ZFYVE16: variants seen among roughly 807,000 people sequenced by gnomAD.
ZFYVE16 encodes the protein zinc finger FYVE domain-containing protein 16.
Under a neutral mutation model 138.1 loss-of-function variants are expected in ZFYVE16, and 89 were observed. The ratio of observed to expected loss-of-function variants is 0.64; its 90% CI spans 0.54 to 0.77. The LOEUF (loss-of-function observed/expected upper bound fraction) is 0.77. Ranked by LOEUF, ZFYVE16 falls within the 30% of genes least tolerant of loss-of-function variation. The pLI is 0.00. For synonymous variants in ZFYVE16, 596 were observed against 618.3 expected (o/e 0.96, Z 0.53); for missense variants, 1,793 against 1,786.7 (o/e 1.00, Z -0.06).
intron 1 of ZFYVE16, among the ~76,000 whole-genome samples, chr5:80,421,593 T>A (rs1747187919): frequency 6.6e-6 from 1 of 152,214 alleles, no homozygotes; most frequent in Admixed American, 6.5e-5. Context: ...TTGTCAAAGA[T>A]CAGATGGTTG....
intron 16 of ZFYVE16, 95 bp downstream of exon 16, chr5:80,473,018 A>G (rs1561338464): frequency 2.7e-6 from 3 of 1,127,764 alleles, no homozygotes; most frequent in East Asian, 2.7e-5. Context: ...ATGAACGAAT[A>G]TATACTTATA....
chr5:80,424,307 G>T (rs181025105), intron 1 of ZFYVE16, among the ~76,000 whole-genome samples: 1 of 152,050 alleles, frequency 6.6e-6, no homozygotes, highest in Admixed American at 6.6e-5. Context: ...AGATTTCTGC[G>T]ATCAGGTTCC....
chr5:80,440,159 G>T, intron 5 of ZFYVE16, 127 bp downstream of exon 5: 1 of 1,319,386 alleles, frequency 7.6e-7, no homozygotes, highest in South Asian at 2.2e-5. Context: ...TCTGGCTTAG[G>T]TGGGACATCC....
chr5:80,443,176 C>G lies in ZFYVE16; in HGVS notation c.2473C>G (p.His825Asp). 6.2e-7 allele frequency: 1 copy of G among 1,602,182 alleles called. No individual in the cohort carries two copies. Among genetic ancestry groups the G allele is most frequent in the Admixed American group, 1.8e-5 (1 of 55,908 alleles). ...AACTGGTTCTAATCTTAAGTCTAATCATTCTGATGAATGTACTACTGTCCA... is the reference window on the plus strand; with the variant it reads ...AACTGGTTCTAATCTTAAGTCTAATGATTCTGATGAATGTACTACTGTCCA... ...SPTGSNLKSN[H>D]SDECTTVQPP... is the part of the protein sequence containing the mutation. The change falls in exon 6 of 19, where the codon CAT becomes GAT. Residue 825 changes from histidine (H) to aspartate (D), a missense_variant. Physicochemically the swap from His to Asp is moderately conservative, Grantham distance 81. This residue lies in a region of ZFYVE16 where 1,295 missense variants were observed against 1,204.3 expected (regional missense o/e 1.08). Coordinates refer to ENST00000505560, the MANE Select transcript of ZFYVE16 (RefSeq NM_001284236.3).
intron 11 of ZFYVE16, chr5:80,454,388 T>G (rs1311117714): frequency 1.3e-5 from 2 of 152,170 alleles, no homozygotes; most frequent in Non-Finnish European, 2.9e-5. Context: ...ACCAGTAAGG[T>G]CTCTTTTCCT....
chr5:80,450,532 A>G lies in ZFYVE16; in HGVS notation c.3328A>G (p.Ile1110Val), dbSNP rs762178907. 3.7e-6 allele frequency: 6 copies of G among 1,613,384 alleles called. No homozygotes were observed. In the Admixed American group the frequency reaches 5.0e-5, roughly 13 times the overall value. The change falls in exon 10 of 19, where the codon ATT becomes GTT. Residue 1110 changes from isoleucine (I) to valine (V), a missense_variant. This residue lies in a region of ZFYVE16 where 498 missense variants were observed against 582.4 expected (regional missense o/e 0.86). Transcript: ENST00000505560. Reference sequence around the variant, plus strand: ...GTTATGTTTGCCAAATGAAGATACTATTCCTAAGGACATCTTCAGACTATT... The same window carrying G: ...GTTATGTTTGCCAAATGAAGATACTGTTCCTAAGGACATCTTCAGACTATT... ...LLLCLPNEDT[I>V]PKDIFRLFIT...
intron 15 of ZFYVE16, among the ~76,000 whole-genome samples, chr5:80,463,641 G>T (rs544628986): frequency 1.2e-4 from 19 of 152,218 alleles, no homozygotes; most frequent in African/African-American, 4.3e-4. Flanking sequence ...TCAGAAAATG[G>T]GTTTTTCTTT....
chr5:80,450,145 A>G (rs543998252), intron 9 of ZFYVE16, among the ~76,000 whole-genome samples: 1 of 152,314 alleles, frequency 6.6e-6, no homozygotes, highest in Non-Finnish European at 1.5e-5. Context: ...TCACTACTCC[A>G]TAATGTATCT....
Position 80,478,208 on chromosome 5 carries a change from C to T in ZFYVE16, c.*831C>T, listed in dbSNP as rs543350589. 12 of 151,758 alleles carry T rather than the reference C, an allele frequency of 7.9e-5. No homozygotes were observed. Among genetic ancestry groups the T allele is most frequent in the South Asian group, 6.2e-4 (3 of 4,806 alleles). 9.4% of individuals were successfully genotyped at this position (151,758 alleles called of 1,614,324 possible). A position where few individuals can be genotyped will look rare whatever the true frequency, so the allele number is the denominator to read the frequency against. On this transcript the variant is annotated 3_prime_UTR_variant, in exon 19 of 19. Transcript: ENST00000505560. ...TTCCAAACTATACCACTGTATTTACCACTTCTAAGAGTGACTGACGACGGG... is the reference window on the plus strand; with the variant it reads ...TTCCAAACTATACCACTGTATTTACTACTTCTAAGAGTGACTGACGACGGG...
Position 80,438,258 on chromosome 5 carries a change from G to A in ZFYVE16, c.1573G>A (p.Gly525Ser), listed in dbSNP as rs763598524. 3 of 1,613,992 alleles carry A rather than the reference G, an allele frequency of 1.9e-6. No homozygotes were observed. The South Asian group carries it at 3.3e-5, about 18-fold the overall frequency. The stretch of plus-strand genomic sequence containing the variant: ...TAATATTGATGAAGGCGCAAAAAGT[G>A]GCCCACTAATTAGTGATGCTGAACT... ...YFNIDEGAKS[G>S]PLISDAELDA... The change falls in exon 4 of 19, where the codon GGC becomes AGC. Residue 525 changes from glycine (G) to serine (S), a missense_variant. Coordinates refer to ENST00000505560, the MANE Select transcript of ZFYVE16 (RefSeq NM_001284236.3).
At position 80,482,387 on chromosome 5, in the gene ZFYVE16, TG is replaced by T. The variant is rs1199006587; in HGVS notation, c.*5011del. ...CTAGTCTGAATGACAGAGAAAAAAGTGAAAAAAATGAGAAGACCTTTGGGGA... is the reference window on the plus strand; with the variant it reads ...CTAGTCTGAATGACAGAGAAAAAAGTAAAAAAATGAGAAGACCTTTGGGGA... On this transcript the variant is annotated 3_prime_UTR_variant, in exon 19 of 19. Transcript: ENST00000505560. 1 of 151,440 alleles carries T rather than the reference TG, an allele frequency of 6.6e-6. No individual in the cohort carries two copies. The highest frequency in any genetic ancestry group is 1.5e-5 in the Non-Finnish European group (1 of 67,864). 9.4% of individuals were successfully genotyped at this position (151,440 alleles called of 1,614,324 possible). A position where few individuals can be genotyped will look rare whatever the true frequency, so the allele number is the denominator to read the frequency against.
chr5:80,431,435 A>G (rs1561257058), intron 2 of ZFYVE16, among the ~76,000 whole-genome samples: 2 of 152,250 alleles, frequency 1.3e-5, no homozygotes, highest in Non-Finnish European at 2.9e-5. Flanking sequence ...GATGAGACGT[A>G]TCTCAAAATA....
chr5:80,422,801 C>T (rs185084206), intron 1 of ZFYVE16, among the ~76,000 whole-genome samples: 2 of 152,126 alleles, frequency 1.3e-5, no homozygotes, highest in East Asian at 3.9e-4. Context: ...ATATGTCTTC[C>T]TTAGTTTGTT....
At chr5:80,445,654 G>A (rs548441764) in intron 7 of ZFYVE16, among the ~76,000 whole-genome samples, 312 of 151,966 alleles carry the variant, frequency 2.1e-3, no homozygotes, top group African/African-American at 7.1e-3. Flanking sequence ...TCTAACTCCT[G>A]GGCTCAAGTG....
intron 15 of ZFYVE16, among the ~76,000 whole-genome samples, chr5:80,469,361 C>T (rs1754067607): frequency 6.6e-6 from 1 of 152,044 alleles, no homozygotes; most frequent in Non-Finnish European, 1.5e-5. Flanking sequence ...CCTTCCTCAG[C>T]CTCTGAGTAG....
chr5:80,458,851 C>T (rs1416979942), intron 14 of ZFYVE16, among the ~76,000 whole-genome samples: 1 of 152,212 alleles, frequency 6.6e-6, no homozygotes, highest in Non-Finnish European at 1.5e-5. Context: ...TGTTTGATTT[C>T]CTACACCCTC....
intron 10 of ZFYVE16, among the ~76,000 whole-genome samples, chr5:80,450,898 G>C (rs1051451547): frequency 1.4e-5 from 2 of 142,336 alleles, no homozygotes; most frequent in African/African-American, 5.3e-5. Context: ...TGCAACCTCT[G>C]CTTCCCGGGT....
chr5:80,460,200 A>G (rs1289680181), intron 15 of ZFYVE16, among the ~76,000 whole-genome samples: 1 of 152,180 alleles, frequency 6.6e-6, no homozygotes, highest in African/African-American at 2.4e-5. Flanking sequence ...GTATCTCTGA[A>G]TATAGTCATA....
chr5:80,475,441 C>T (rs1409998060), intron 18 of ZFYVE16, among the ~76,000 whole-genome samples: 6 of 152,192 alleles, frequency 3.9e-5, no homozygotes. Context: ...TATAAGGCAA[C>T]AGCCTTGGAA....
Sources: gnomAD v4.1 joint callset for allele counts (sites outside exome capture counted in the v4.1 genomes callset) on GRCh38, gnomAD v4.1.1 for gene constraint, gnomAD v4.1.1 regional missense constraint, MANE v1.5 for transcripts, NCBI Gene and HGNC (gene_info 2026-07-23, HGNC 2026-07-21) for gene names.